Variants in TMTC2 observed in about 807,000 individuals in gnomAD.
TMTC2 encodes transmembrane O-mannosyltransferase targeting cadherins 2.
In TMTC2, 43 loss-of-function variants were observed where a neutral mutation model predicts 82.4. That is an observed-to-expected ratio of 0.52 (90% CI 0.41 to 0.67). The LOEUF (loss-of-function observed/expected upper bound fraction) is 0.67, where lower values mean the gene tolerates loss of function less well. TMTC2 is among the 30% of genes least tolerant of loss of function. The pLI, the probability that TMTC2 is intolerant of heterozygous loss-of-function variation, is 0.00. For synonymous variants in TMTC2, 408 were observed against 381.9 expected (o/e 1.07, Z -0.80); for missense variants, 919 against 1,012.4 (o/e 0.91, Z 1.25).
chr12:82,951,735 C>T (rs575140159), intron 4 of TMTC2, among the ~76,000 whole-genome samples: 84 of 152,264 alleles, frequency 5.5e-4, no homozygotes, highest in African/African-American at 2.0e-3. Context: ...TTCAATTATG[C>T]CTTTCACAGC....
At chr12:82,735,657 A>G (rs1592887442) in intron 1 of TMTC2, among the ~76,000 whole-genome samples, 1 of 141,960 alleles carries the variant, frequency 7.0e-6, no homozygotes, top group Admixed American at 6.9e-5. Context: ...CCTAATTTTG[A>G]TTTTTTAAAG....
At chr12:83,040,194 T>C (rs184417884) in intron 9 of TMTC2, among the ~76,000 whole-genome samples, 200 of 152,366 alleles carry the variant, frequency 1.3e-3, no homozygotes, top group African/African-American at 4.6e-3. Context: ...ACTAGTAAGT[T>C]GGCAGAGCAA....
intron 1 of TMTC2, among the ~76,000 whole-genome samples, chr12:82,753,685 T>C (rs1173609801): frequency 6.6e-6 from 1 of 152,194 alleles, no homozygotes; most frequent in East Asian, 1.9e-4. Flanking sequence ...TAGGTCTCTC[T>C]CATGAGATTG....
intron 1 of TMTC2, among the ~76,000 whole-genome samples, chr12:82,812,721 TCTCC>T (rs1868468307): frequency 6.6e-6 from 1 of 152,046 alleles, no homozygotes. Context: ...GGTTTGTTTC[TCTCC>T]CTCTTCCATT....
intron 1 of TMTC2, among the ~76,000 whole-genome samples, chr12:82,741,834 T>C (rs984352989): frequency 6.6e-6 from 1 of 152,192 alleles, no homozygotes; most frequent in Non-Finnish European, 1.5e-5. Context: ...TGGGGAAGAA[T>C]GGTCCTTAGA....
At chr12:83,035,313 T>C (rs1327583256) in intron 9 of TMTC2, among the ~76,000 whole-genome samples, 2 of 152,164 alleles carry the variant, frequency 1.3e-5, no homozygotes, top group South Asian at 2.1e-4. Flanking sequence ...CTTTTTAAAA[T>C]TTTTTTCAGA....
intron 1 of TMTC2, among the ~76,000 whole-genome samples, chr12:82,719,085 A>ATATATATATATATTTT (rs1282211374): frequency 2.7e-4 from 11 of 41,412 alleles, no homozygotes; most frequent in Admixed American, 9.8e-4. Flanking sequence ...ATATATATAT[A>ATATATATATATATTTT]TTTTTTTTTT....
chr12:83,116,453 A>T (rs1389121229), intron 11 of TMTC2, among the ~76,000 whole-genome samples: 5 of 152,222 alleles, frequency 3.3e-5, no homozygotes, highest in Non-Finnish European at 1.5e-5. Flanking sequence ...GTAGATACCC[A>T]CTAGTGGGAT....
At chr12:83,118,937 G>A (rs111307727) in intron 11 of TMTC2, among the ~76,000 whole-genome samples, 3,989 of 152,134 alleles carry the variant, frequency 0.026, 180 homozygotes, top group African/African-American at 0.092. Context: ...TCTAGTTTAT[G>A]TACATAAACG....
intron 8 of TMTC2, among the ~76,000 whole-genome samples, chr12:82,993,105 C>T (rs1879467645): frequency 6.6e-6 from 1 of 152,104 alleles, no homozygotes; most frequent in South Asian, 2.1e-4. Context: ...CTGCCTCAGC[C>T]TCCCGAATAC....
chr12:82,773,038 T>C (rs2136997977), intron 1 of TMTC2, among the ~76,000 whole-genome samples: 1 of 152,370 alleles, frequency 6.6e-6, no homozygotes, highest in East Asian at 1.9e-4. Flanking sequence ...CATGAATATG[T>C]AGTTTACAGT....
At chr12:83,062,518 C>T (rs926118325) in intron 11 of TMTC2, among the ~76,000 whole-genome samples, 1 of 151,800 alleles carries the variant, frequency 6.6e-6, no homozygotes, top group African/African-American at 2.4e-5. Flanking sequence ...ATGCTAAAAT[C>T]TTCTACCCTG....
At chr12:82,735,254 A>G (rs1212747329) in intron 1 of TMTC2, among the ~76,000 whole-genome samples, 2 of 152,156 alleles carry the variant, frequency 1.3e-5, no homozygotes, top group Non-Finnish European at 2.9e-5. Context: ...AGAATCAGTA[A>G]CCACTTATAC....
intron 8 of TMTC2, among the ~76,000 whole-genome samples, chr12:82,997,453 AT>A (rs1353860665): frequency 8.5e-6 from 1 of 117,636 alleles, no homozygotes; most frequent in Non-Finnish European, 1.8e-5. Context: ...GAACTATAAT[AT>A]TTTTATATAT....
chr12:82,925,990 T>G (rs1875686228), intron 3 of TMTC2, among the ~76,000 whole-genome samples: 1 of 67,258 alleles, frequency 1.5e-5, no homozygotes, highest in Admixed American at 1.7e-4. Flanking sequence ...TTTTTTTTTT[T>G]TGTTTTTTTT....
chr12:82,769,071 C>T (rs926096609), intron 1 of TMTC2, among the ~76,000 whole-genome samples: 2 of 150,960 alleles, frequency 1.3e-5, no homozygotes, highest in African/African-American at 4.9e-5. Context: ...AGCCATATGC[C>T]TAGCTCAAGC....
chr12:82,937,929 T>TA (rs1306916371), intron 4 of TMTC2, among the ~76,000 whole-genome samples: 2 of 85,954 alleles, frequency 2.3e-5, no homozygotes, highest in Non-Finnish European at 2.7e-5. Context: ...TTTATTTTTT[T>TA]TTTTTGAGAC....
In TMTC2 at chr12:82,872,005, ACCC is replaced by A. The variant is rs61305687; in HGVS notation, c.654+14434_654+14436del. Among the ~76,000 whole-genome samples the A allele has an allele frequency of 1.1e-4, 11 of 95,698 alleles. No individual in the cohort carries two copies. The South Asian group carries it at 1.3e-3, about 11-fold the overall frequency. The allele number at this position is 95,698 out of a possible 152,430, so 62.8% of individuals were successfully genotyped here. On this transcript the variant is annotated intron_variant, in intron 2 of 11. Transcript: ENST00000321196. The stretch of plus-strand genomic sequence containing the variant: ...CCATATTACAAAAAAGTTGAACAAC[ACCC>A]CCCCCCCCGCCCACACCCCGCAGTT...
intron 1 of TMTC2, among the ~76,000 whole-genome samples, chr12:82,734,978 G>C (rs1341465070): frequency 1.3e-5 from 2 of 152,152 alleles, no homozygotes; most frequent in South Asian, 4.1e-4. Flanking sequence ...TATCAAGAGA[G>C]CCCACGTGGT....
Sources: allele counts gnomAD v4.1 joint callset (sites outside exome capture counted in the v4.1 genomes callset), GRCh38; gene constraint gnomAD v4.1.1; transcripts MANE v1.5; gene names NCBI Gene and HGNC (gene_info 2026-07-23, HGNC 2026-07-21).